The following SNX1 variants were observed in gnomAD, a reference collection of about 807,000 sequenced individuals.
SNX1 encodes sorting nexin 1.
SNX1 carries 36 observed loss-of-function variants against 71.8 expected under a neutral mutation model. The observed-to-expected ratio is 0.50, with a 90% CI of 0.38 to 0.66. The LOEUF (loss-of-function observed/expected upper bound fraction) is 0.66, where lower values mean the gene tolerates loss of function less well. SNX1 is among the 30% of genes least tolerant of loss of function. The pLI, the probability that SNX1 is intolerant of heterozygous loss-of-function variation, is 0.00. For synonymous variants in SNX1, 254 were observed against 240.7 expected, an observed-to-expected ratio of 1.06 and a Z score of -0.51; for missense variants, 612 against 646.7, an observed-to-expected ratio of 0.95 and a Z score of 0.58.
At chr15:64,101,260 A>G (rs1033502819) in intron 1 of SNX1, among the ~76,000 whole-genome samples, 1 of 152,254 alleles carries the variant, frequency 6.6e-6, no homozygotes, top group African/African-American at 2.4e-5. Flanking sequence ...GAAACTCTGT[A>G]CTTATTAAAC....
At position 64,142,435 on chromosome 15, in the gene SNX1, G is replaced by A. The variant is rs967962822; in HGVS notation, c.*4817G>A. 4 of 314,458 alleles carry A rather than the reference G, an allele frequency of 1.3e-5. No individual in the cohort carries two copies. The Admixed American group carries it at 1.7e-4, about 13-fold the overall frequency. The allele number at this position is 314,458 out of a possible 1,614,324, so 19.5% of individuals were successfully genotyped here. On this transcript the variant is annotated 3_prime_UTR_variant, in exon 15 of 15. Coordinates refer to ENST00000559844, the MANE Select transcript of SNX1 (RefSeq NM_003099.5). The stretch of plus-strand genomic sequence containing the variant: ...TTAAAGGTGGGACAAACTTAAGCAT[G>A]TTAATAAAATTCAGAGAAGAGAAAG...
chr15:64,100,261 A>C (rs781522293), intron 1 of SNX1, among the ~76,000 whole-genome samples: 36 of 152,320 alleles, frequency 2.4e-4, no homozygotes, highest in Non-Finnish European at 4.7e-4. Context: ...TACTTGAAAG[A>C]GCAGGCTTAC....
chr15:64,104,552 C>T (rs1011409890), intron 1 of SNX1, among the ~76,000 whole-genome samples: 4 of 151,860 alleles, frequency 2.6e-5, no homozygotes, highest in East Asian at 2.0e-4. Flanking sequence ...GGATTACAGG[C>T]GTGAGCCACT....
intron 1 of SNX1, 89 bp downstream of exon 1, chr15:64,096,261 G>T: frequency 1.4e-6 from 2 of 1,450,124 alleles, no homozygotes; most frequent in Non-Finnish European, 9.2e-7. Context: ...TGGGCAGAGT[G>T]GGCCCGGTGA....
intron 2 of SNX1, among the ~76,000 whole-genome samples, chr15:64,117,153 C>T (rs1436743972): frequency 6.6e-6 from 1 of 152,200 alleles, no homozygotes; most frequent in East Asian, 1.9e-4. Flanking sequence ...TAGCTTATAG[C>T]TTTCCTGACA....
At chr15:64,115,582 G>A in intron 2 of SNX1, 2 of 161,550 alleles carry the variant, frequency 1.2e-5, no homozygotes, top group Admixed American at 8.6e-5. Context: ...TTTTTTTTTT[G>A]AGACAGGGTC....
Position 64,134,867 on chromosome 15 carries a change from C to A in SNX1, c.1365+60C>A. 6.3e-7 allele frequency: 1 copy of A among 1,588,154 alleles called. No homozygotes were observed. The highest frequency in any genetic ancestry group is 8.6e-7 in the Non-Finnish European group (1 of 1,166,526). ...CTGCTGGTTCCAAATGAACCCAGGG[C>A]CCATCCCACCCAGAGGTTTGGAACC... On this transcript the variant is annotated intron_variant, in intron 12 of 14. Coordinates refer to ENST00000559844, the MANE Select transcript of SNX1 (RefSeq NM_003099.5). This position sits in a 1 kb window ranked among gnomAD's most constrained non-coding sequence, Gnocchi z 4.1.
intron 10 of SNX1, among the ~76,000 whole-genome samples, chr15:64,130,766 CTT>C (rs1235381598): frequency 6.6e-6 from 1 of 152,242 alleles, no homozygotes; most frequent in Non-Finnish European, 1.5e-5. Context: ...TCTTTTCCCT[CTT>C]TGCCTTAAAC....
At chr15:64,125,782 C>T (rs1466431967) in intron 5 of SNX1, among the ~76,000 whole-genome samples, 1 of 151,802 alleles carries the variant, frequency 6.6e-6, no homozygotes, top group East Asian at 1.9e-4. Context: ...ATTTTTTTTT[C>T]TCAAGGGTCA....
Position 64,141,045 on chromosome 15 carries a change from G to A in SNX1, c.*3427G>A, listed in dbSNP as rs1289630871. ...GATAGATGATAGATATAGATAGATA[G>A]ATAGATTGATTGATTTGTAGAAACA... On this transcript the variant is annotated 3_prime_UTR_variant, in exon 15 of 15. Coordinates refer to ENST00000559844, the MANE Select transcript of SNX1 (RefSeq NM_003099.5). This position sits in a 1 kb window ranked among gnomAD's most constrained non-coding sequence, Gnocchi z 5.1. 1 of 140,272 alleles carries A rather than the reference G, an allele frequency of 7.1e-6. No individual in the cohort carries two copies. The highest frequency in any genetic ancestry group is 3.0e-5 in the African/African-American group (1 of 33,230). 8.7% of individuals were successfully genotyped at this position (140,272 alleles called of 1,614,324 possible).
At chr15:64,124,406 C>T (rs2081228549) in intron 5 of SNX1, among the ~76,000 whole-genome samples, 1 of 149,840 alleles carries the variant, frequency 6.7e-6, no homozygotes, top group African/African-American at 2.5e-5. Flanking sequence ...GCTGGGGAGG[C>T]TGAGGCAGGA....
chr15:64,112,488 A>G, intron 1 of SNX1, 85 bp from the exon 2 acceptor site: 3 of 762,976 alleles, frequency 3.9e-6, no homozygotes, highest in East Asian at 2.6e-5. Context: ...GTGGCAACTG[A>G]GGGAGGCATT....
At chr15:64,106,666 A>T (rs2081025279) in intron 1 of SNX1, among the ~76,000 whole-genome samples, 1 of 152,178 alleles carries the variant, frequency 6.6e-6, no homozygotes, top group African/African-American at 2.4e-5. Flanking sequence ...AATCACAAGG[A>T]TCCTTAAAAA....
chr15:64,105,376 G>GA (rs1056533815), intron 1 of SNX1, among the ~76,000 whole-genome samples: 3 of 151,202 alleles, frequency 2.0e-5, no homozygotes, highest in Admixed American at 6.6e-5. Flanking sequence ...CTGGAGAAAA[G>GA]AAAAAAAAAT....
intron 4 of SNX1, among the ~76,000 whole-genome samples, chr15:64,119,902 A>T (rs971836751): frequency 3.9e-5 from 6 of 152,174 alleles, no homozygotes; most frequent in African/African-American, 1.4e-4. Context: ...TGAAACTCTC[A>T]TTTATACACA....
In SNX1 at chr15:64,142,696, T is replaced by A. The variant is rs756784393; in HGVS notation, c.*5078T>A. On this transcript the variant is annotated 3_prime_UTR_variant, in exon 15 of 15. Coordinates refer to ENST00000559844, the MANE Select transcript of SNX1 (RefSeq NM_003099.5). ...AAAGGTATGGAACCTGCTTTCCCCT[T>A]GGCTAGTTCAGCGTTTGGGCTCCGG... is the stretch of plus-strand genomic sequence containing the variant. 1 of 456,050 alleles carries A rather than the reference T, an allele frequency of 2.2e-6. No individual in the cohort carries two copies. The highest frequency in any genetic ancestry group is 1.5e-5 in the South Asian group (1 of 64,552). 28.3% of individuals were successfully genotyped at this position (456,050 alleles called of 1,614,324 possible).
At chr15:64,130,167 G>A in intron 9 of SNX1, 61 bp from the exon 10 acceptor site, 1 of 1,520,622 alleles carries the variant, frequency 6.6e-7, no homozygotes, top group Non-Finnish European at 9.1e-7. Flanking sequence ...AACTGCTAAA[G>A]AAAGACTGTA....
chr15:64,121,118 G>A (rs1039132384), intron 4 of SNX1, among the ~76,000 whole-genome samples: 6 of 152,114 alleles, frequency 3.9e-5, no homozygotes, highest in Admixed American at 3.3e-4. Flanking sequence ...GTTATTCACC[G>A]CTTTAAATCC....
rs1446383389 is a variant in SNX1 at position 64,129,344 on chromosome 15, C to T, written c.808-572C>T. Among the ~76,000 whole-genome samples, 1 of 152,088 alleles carries T rather than the reference C, an allele frequency of 6.6e-6. No individual in the cohort carries two copies. Among genetic ancestry groups the T allele is most frequent in the Non-Finnish European group, 1.5e-5 (1 of 68,026 alleles). On this transcript the variant is annotated intron_variant, in intron 8 of 14. Transcript: ENST00000559844. This position sits in a 1 kb window ranked among gnomAD's most constrained non-coding sequence, Gnocchi z 4.4. ...TATATGCTATAGATTTTTCAGCGTCCTTTCCATGCCCTAGGAGAGTACTGG... is the reference window on the plus strand; with the variant it reads ...TATATGCTATAGATTTTTCAGCGTCTTTTCCATGCCCTAGGAGAGTACTGG...
Sources: allele counts gnomAD v4.1 joint callset (sites outside exome capture counted in the v4.1 genomes callset), GRCh38; gene constraint gnomAD v4.1.1; non-coding constraint Gnocchi (gnomAD v3.1); transcripts MANE v1.5; gene names NCBI Gene and HGNC (gene_info 2026-07-23, HGNC 2026-07-21).